NFIC: variants seen among roughly 807,000 people sequenced by gnomAD.
NFIC encodes nuclear factor 1 C-type.
NFIC carries 12 observed loss-of-function variants against 54.4 expected under a neutral mutation model. The observed-to-expected ratio is 0.22, with a 90% CI of 0.14 to 0.36. NFIC has a LOEUF of 0.36. Among genes scored for constraint, NFIC ranks in the 10% least tolerant of loss-of-function variants. The pLI is 1.00. For synonymous variants in NFIC, 322 were observed against 319.2 expected (o/e 1.01, Z -0.09); for missense variants, 575 against 718.2 (o/e 0.80, Z 2.28).
chr19:3,440,339 G>A (rs58101139), intron 6 of NFIC, among the ~76,000 whole-genome samples: 3,186 of 152,170 alleles, frequency 0.021, 117 homozygotes, highest in African/African-American at 0.072. Flanking sequence ...TGTCTCTTGC[G>A]GGCAGAATCT....
chr19:3,365,905 C>G (rs1275478582), upstream of NFIC, among the ~76,000 whole-genome samples: 8 of 152,196 alleles, frequency 5.3e-5, no homozygotes, highest in Admixed American at 5.2e-4. Context: ...ACCCGCAGCC[C>G]CTGCCTGGCT....
chr19:3,463,532 C>T lies in NFIC; in HGVS notation c.*763C>T. On this transcript the variant is annotated 3_prime_UTR_variant, in exon 11 of 11. Coordinates refer to ENST00000443272, the MANE Select transcript of NFIC (RefSeq NM_001245002.2). ...GCCTCCCCACAAGCCCCTCCCAAAG[C>T]GCCGGCCGACTCGCTGTCTCGCTGG... is the stretch of plus-strand genomic sequence containing the variant. 3 of 984,788 alleles carry T rather than the reference C, an allele frequency of 3.0e-6. No homozygotes were observed. Among genetic ancestry groups the T allele is most frequent in the Non-Finnish European group, 3.6e-6 (3 of 829,794 alleles). 61.0% of individuals were successfully genotyped at this position (984,788 alleles called of 1,614,324 possible).
intron 6 of NFIC, among the ~76,000 whole-genome samples, chr19:3,445,895 A>G (rs542595902): frequency 3.3e-5 from 5 of 152,276 alleles, no homozygotes; most frequent in African/African-American, 1.2e-4. Flanking sequence ...GTTTCTCATC[A>G]GGGCATCACC....
intron 2 of NFIC, among the ~76,000 whole-genome samples, chr19:3,397,320 G>T (rs896174861): frequency 1.3e-5 from 2 of 152,246 alleles, no homozygotes; most frequent in African/African-American, 2.4e-5. Context: ...TAAAGGGGCT[G>T]TTTGGGGTAT....
chr19:3,385,992 C>A (rs113274455), intron 2 of NFIC, among the ~76,000 whole-genome samples: 17,896 of 152,000 alleles, frequency 0.12, 1,426 homozygotes, highest in East Asian at 0.32. Context: ...CAGGCGTGAC[C>A]CCCTGCGCCC....
rs2081413405 is a variant in NFIC at position 3,393,808 on chromosome 19, C to A, written c.562+11565C>A. Among the ~76,000 whole-genome samples the A allele has an allele frequency of 4.5e-5, 5 of 110,682 alleles. No individual in the cohort carries two copies. The South Asian group carries it at 1.7e-3, about 37-fold the overall frequency. The allele number at this position is 110,682 out of a possible 152,430, so 72.6% of individuals were successfully genotyped here. A position where few individuals can be genotyped will look rare whatever the true frequency, so the allele number is the denominator to read the frequency against. On this transcript the variant is annotated intron_variant, in intron 2 of 10. Coordinates refer to ENST00000443272, the MANE Select transcript of NFIC (RefSeq NM_001245002.2). Reference sequence around the variant, plus strand: ...CTCCAGCCTGGGCAACAGAGTGAGACTCTGTCTCAAAAAAAAAAAAAAAAA... The same window carrying A: ...CTCCAGCCTGGGCAACAGAGTGAGAATCTGTCTCAAAAAAAAAAAAAAAAA...
rs75694930 is a variant in NFIC at position 3,369,990 on chromosome 19, C to T, written c.30+3324C>T. On this transcript the variant is annotated intron_variant, in intron 1 of 10. Transcript: ENST00000443272. This position sits in a 1 kb window ranked among gnomAD's most constrained non-coding sequence, Gnocchi z 4.3. Reference sequence around the variant, plus strand: ...GGAGAGGCTGTCCTCCCACCCCAGACCCCCGACCTTTGTTGGATTTTCTAG... The same window carrying T: ...GGAGAGGCTGTCCTCCCACCCCAGATCCCCGACCTTTGTTGGATTTTCTAG... 6.6e-6 allele frequency among the ~76,000 whole-genome samples: 1 copy of T among 152,180 alleles called. No homozygotes were observed.
chr19:3,433,709 C>T, intron 4 of NFIC, 117 bp downstream of exon 4: 1 of 1,164,592 alleles, frequency 8.6e-7, no homozygotes, highest in Non-Finnish European at 1.2e-6. Context: ...CCCTGTGTCA[C>T]TAAGCCAAGG....
upstream of NFIC, among the ~76,000 whole-genome samples, chr19:3,362,213 T>C (rs1376088568): frequency 2.0e-5 from 3 of 152,112 alleles, no homozygotes; most frequent in Non-Finnish European, 2.9e-5. Flanking sequence ...GGGGTTCCAC[T>C]TGTGGGTGTG....
chr19:3,385,666 G>A (rs1400432322), intron 2 of NFIC, among the ~76,000 whole-genome samples: 11 of 146,802 alleles, frequency 7.5e-5, no homozygotes, highest in African/African-American at 1.8e-4. Context: ...TCTGCCTCCC[G>A]GGTTCAAGCA....
At chr19:3,437,974 G>A (rs2082231671) in intron 6 of NFIC, among the ~76,000 whole-genome samples, 1 of 152,050 alleles carries the variant, frequency 6.6e-6, no homozygotes, top group African/African-American at 2.4e-5. Context: ...GGCATTACAG[G>A]TGTGAGCCAC....
At position 3,371,998 on chromosome 19, in the gene NFIC, C is replaced by CCTCCCTCTCTCTCT. The variant is rs1317268715; in HGVS notation, c.30+5335_30+5336insCCTCTCTCTCTCTC. On this transcript the variant is annotated intron_variant, in intron 1 of 10. Coordinates refer to ENST00000443272, the MANE Select transcript of NFIC (RefSeq NM_001245002.2). ...CTTTCTCTCTCTCTCCCTCTCTCTCCCTCTCTCTCTCTCTCTCTCTCTCTC... is the reference window on the plus strand; with the variant it reads ...CTTTCTCTCTCTCTCCCTCTCTCTCCCTCCCTCTCTCTCTCTCTCTCTCTCTCTCTCTCTCTCTC... 2.2e-3 allele frequency among the ~76,000 whole-genome samples: 79 copies of CCTCCCTCTCTCTCT among 35,414 alleles called. 10 individuals are homozygous for CCTCCCTCTCTCTCT. In the South Asian group the frequency reaches 0.022, roughly 10 times the overall value. The allele number at this position is 35,414 out of a possible 152,430, so 23.2% of individuals were successfully genotyped here.
intron 1 of NFIC, among the ~76,000 whole-genome samples, chr19:3,377,164 T>TA (rs35751792): frequency 0.062 from 8,825 of 143,080 alleles, 555 homozygotes; most frequent in East Asian, 0.26. Flanking sequence ...CCGTCTCTAC[T>TA]AAAAAAAAAA....
intron 6 of NFIC, among the ~76,000 whole-genome samples, chr19:3,439,937 C>T (rs1777240790): frequency 6.6e-6 from 1 of 152,022 alleles, no homozygotes; most frequent in Admixed American, 6.6e-5. Flanking sequence ...ATCTGCCCGC[C>T]TCGGCCTCCC....
At chr19:3,462,672 C>T in intron 10 of NFIC, 80 bp from the exon 11 acceptor site, 1 of 1,507,484 alleles carries the variant, frequency 6.6e-7, no homozygotes, top group South Asian at 1.1e-5. Context: ...AGAGGTAAAC[C>T]ATGTCTGCAG....
intron 6 of NFIC, among the ~76,000 whole-genome samples, chr19:3,437,676 T>G (rs971826627): frequency 2.0e-5 from 3 of 150,974 alleles, no homozygotes; most frequent in Non-Finnish European, 2.9e-5. Flanking sequence ...CTGTTTCGTT[T>G]TTTTTGTTTT....
At position 3,463,364 on chromosome 19, in the gene NFIC, C is replaced by T. The variant is rs1384333627; in HGVS notation, c.*595C>T. ...AAAGGGAGACACAGCGGACCCCGGCCGGGCAGCGGAGACCGCAGAGGCGGG... is the reference window on the plus strand; with the variant it reads ...AAAGGGAGACACAGCGGACCCCGGCTGGGCAGCGGAGACCGCAGAGGCGGG... On this transcript the variant is annotated 3_prime_UTR_variant, in exon 11 of 11. Coordinates refer to ENST00000443272, the MANE Select transcript of NFIC (RefSeq NM_001245002.2). The T allele has an allele frequency of 4.1e-6, 4 of 986,012 alleles. No homozygotes were observed. In the African/African-American group the frequency reaches 5.2e-5, roughly 13 times the overall value. 61.1% of individuals were successfully genotyped at this position (986,012 alleles called of 1,614,324 possible).
chr19:3,368,006 C>A (rs999270033), intron 1 of NFIC, among the ~76,000 whole-genome samples: 7 of 152,194 alleles, frequency 4.6e-5, no homozygotes, highest in Non-Finnish European at 8.8e-5. Flanking sequence ...TACCTGTGAT[C>A]CCCTGAGTGA....
rs766198179 is a variant in NFIC at position 3,435,213 on chromosome 19, G to C, written c.958+6G>C. 1.9e-6 allele frequency: 3 copies of C among 1,578,064 alleles called. No individual in the cohort carries two copies. In the African/African-American group the frequency reaches 4.0e-5, roughly 21 times the overall value. On this transcript the variant is annotated splice_donor_region_variant and intron_variant, in intron 6 of 10. Coordinates refer to ENST00000443272, the MANE Select transcript of NFIC (RefSeq NM_001245002.2). ...GACGGAGGACATGGAAGGAGGTAGGGCTGGTGGCGGGGGCGGAGCCGGCCT... is the reference window on the plus strand; with the variant it reads ...GACGGAGGACATGGAAGGAGGTAGGCCTGGTGGCGGGGGCGGAGCCGGCCT...
Sources: gnomAD v4.1 joint callset for allele counts (sites outside exome capture counted in the v4.1 genomes callset) on GRCh38, gnomAD v4.1.1 for gene constraint, Gnocchi (gnomAD v3.1) non-coding constraint, MANE v1.5 for transcripts, NCBI Gene and HGNC (gene_info 2026-07-23, HGNC 2026-07-21) for gene names.